Variants in DPP10 observed in about 807,000 individuals in gnomAD.
DPP10 encodes the protein inactive dipeptidyl peptidase 10.
DPP10 carries 33 observed loss-of-function variants against 120.9 expected under a neutral mutation model. The ratio of observed to expected loss-of-function variants is 0.27; its 90% confidence interval spans 0.21 to 0.37. DPP10 has a LOEUF of 0.37. DPP10 is among the 10% of genes least tolerant of loss of function. DPP10 has a pLI of 1.00. For synonymous variants in DPP10, 337 were observed against 326.1 expected (o/e 1.03, Z -0.36); for missense variants, 816 against 942.8 (o/e 0.87, Z 1.76).
At chr2:115,002,901 A>G (rs896267923) in intron 1 of DPP10, among the ~76,000 whole-genome samples, 1 of 152,116 alleles carries the variant, frequency 6.6e-6, no homozygotes, top group African/African-American at 2.4e-5. Flanking sequence ...GAATGCTTAT[A>G]TACTGCTGAT....
intron 3 of DPP10, among the ~76,000 whole-genome samples, chr2:115,390,971 T>G (rs1363138564): frequency 6.6e-6 from 1 of 152,136 alleles, no homozygotes; most frequent in Non-Finnish European, 1.5e-5. Context: ...ACTTTTTCAT[T>G]ATGACTGACA....
At chr2:115,332,386 C>T (rs1337958559) in intron 2 of DPP10, among the ~76,000 whole-genome samples, 1 of 152,092 alleles carries the variant, frequency 6.6e-6, no homozygotes, top group Admixed American at 6.6e-5. Context: ...CTCCTGGATT[C>T]ATTGACTTTT....
At chr2:115,227,914 C>CT (rs1197473119) in intron 1 of DPP10, among the ~76,000 whole-genome samples, 2 of 106,412 alleles carry the variant, frequency 1.9e-5, no homozygotes, top group African/African-American at 6.7e-5. Context: ...CATCCGATTT[C>CT]TTTTTTTTCC....
intron 5 of DPP10, among the ~76,000 whole-genome samples, chr2:115,570,595 T>C (rs2081282547): frequency 6.6e-6 from 1 of 152,292 alleles, no homozygotes; most frequent in South Asian, 2.1e-4. Context: ...CATCTTCAGG[T>C]GAATGCCAAA....
At chr2:114,913,097 G>A (rs1423705653) in intron 1 of DPP10, among the ~76,000 whole-genome samples, 6 of 152,112 alleles carry the variant, frequency 3.9e-5, no homozygotes, top group South Asian at 2.1e-4. Context: ...TGCTTGCAGC[G>A]CAGCCTCAGC....
intron 1 of DPP10, among the ~76,000 whole-genome samples, chr2:115,206,093 C>G (rs542921729): frequency 1.3e-5 from 2 of 152,220 alleles, no homozygotes; most frequent in South Asian, 2.1e-4. Flanking sequence ...TTCAGGGAAG[C>G]TTTCTTATGG....
chr2:114,578,074 C>A (rs901039738), intron 1 of DPP10, among the ~76,000 whole-genome samples: 2 of 152,170 alleles, frequency 1.3e-5, no homozygotes, highest in East Asian at 3.9e-4. Flanking sequence ...ATAAATTTGT[C>A]AACAAGTTCT....
chr2:115,007,205 A>G (rs571289691), intron 1 of DPP10, among the ~76,000 whole-genome samples: 114 of 152,296 alleles, frequency 7.5e-4, no homozygotes, highest in African/African-American at 2.2e-3. Flanking sequence ...ATCCAGCAGC[A>G]CATCAAAAAG....
intron 3 of DPP10, among the ~76,000 whole-genome samples, chr2:115,401,988 C>A (rs1201995964): frequency 3.4e-4 from 52 of 152,120 alleles, no homozygotes; most frequent in Admixed American, 3.4e-3. Flanking sequence ...TCTTGGGCTT[C>A]ACTCTCCCTA....
At chr2:114,643,240 A>C (rs913148421) in intron 1 of DPP10, among the ~76,000 whole-genome samples, 6 of 151,908 alleles carry the variant, frequency 3.9e-5, no homozygotes, top group Admixed American at 1.3e-4. Flanking sequence ...ACCCTCATGA[A>C]GGGTCCTTCA....
chr2:114,848,852 A>G (rs1688739064), intron 1 of DPP10, among the ~76,000 whole-genome samples: 1 of 152,162 alleles, frequency 6.6e-6, no homozygotes, highest in Non-Finnish European at 1.5e-5. Context: ...GTGGCTTATA[A>G]ACAAGGGAAT....
intron 1 of DPP10, among the ~76,000 whole-genome samples, chr2:114,716,480 A>G (rs1470028087): frequency 1.3e-5 from 2 of 152,302 alleles, no homozygotes; most frequent in East Asian, 3.9e-4. Flanking sequence ...AACTTTATCC[A>G]TATACCAAAC....
chr2:114,956,252 A>T (rs1698190786), intron 1 of DPP10, among the ~76,000 whole-genome samples: 1 of 152,174 alleles, frequency 6.6e-6, no homozygotes. Context: ...GTTGCAGTAT[A>T]CAAAAGCAAC....
chr2:114,517,598 C>T (rs1477656730), intron 1 of DPP10, among the ~76,000 whole-genome samples: 2 of 152,008 alleles, frequency 1.3e-5, no homozygotes, highest in African/African-American at 2.4e-5. Context: ...ACATTTTACT[C>T]ATATTTTTAT....
At chr2:114,731,768 C>T (rs1299423005) in intron 1 of DPP10, among the ~76,000 whole-genome samples, 2 of 152,110 alleles carry the variant, frequency 1.3e-5, no homozygotes, top group African/African-American at 4.8e-5. Flanking sequence ...CACCAATGAG[C>T]ACCAATGAGA....
At chr2:115,013,512 C>T (rs2105107587) in intron 1 of DPP10, among the ~76,000 whole-genome samples, 1 of 152,112 alleles carries the variant, frequency 6.6e-6, no homozygotes, top group Middle Eastern at 3.4e-3. Context: ...GTGGCATTCT[C>T]TGTATTTCCT....
intron 1 of DPP10, among the ~76,000 whole-genome samples, chr2:115,171,716 T>TAA (rs780856545): frequency 5.2e-5 from 7 of 134,582 alleles, no homozygotes; most frequent in Non-Finnish European, 8.1e-5. Flanking sequence ...AGTATAACCT[T>TAA]AAAAAAAAAA....
At chr2:115,731,156 G>C (rs2149655004) in intron 8 of DPP10, among the ~76,000 whole-genome samples, 1 of 152,166 alleles carries the variant, frequency 6.6e-6, no homozygotes, top group Non-Finnish European at 1.5e-5. Context: ...TCAGGAGATT[G>C]AGACCATCCT....
chr2:114,862,150 G>C (rs539436557), intron 1 of DPP10, among the ~76,000 whole-genome samples: 1 of 151,958 alleles, frequency 6.6e-6, no homozygotes, highest in Non-Finnish European at 1.5e-5. Context: ...CATTATTATA[G>C]AGGGAAGCAC....
Sources: gnomAD v4.1 joint callset for allele counts (sites outside exome capture counted in the v4.1 genomes callset) on GRCh38, gnomAD v4.1.1 for gene constraint, MANE v1.5 for transcripts, NCBI Gene and HGNC (gene_info 2026-07-23, HGNC 2026-07-21) for gene names.